The following PLCH1 variants were observed in gnomAD, a reference collection of about 807,000 sequenced individuals.
PLCH1 encodes phospholipase C eta 1, also known as 1-phosphatidylinositol 4,5-bisphosphate phosphodiesterase eta-1.
PLCH1 carries 60 observed loss-of-function variants against 126.7 expected under a neutral mutation model. The ratio of observed to expected loss-of-function variants is 0.47; its 90% CI spans 0.38 to 0.59. The LOEUF is 0.59. PLCH1 is among the 20% of genes least tolerant of loss of function. PLCH1 has a pLI of 0.00. For missense variants in PLCH1, 1,723 were observed against 2,040.0 expected (o/e 0.84, Z 2.99); for synonymous variants, 719 against 734.9 (o/e 0.98, Z 0.35).
chr3:155,601,879 C>T (rs527639138), intron 2 of PLCH1, among the ~76,000 whole-genome samples: 9 of 152,208 alleles, frequency 5.9e-5, no homozygotes, highest in Non-Finnish European at 1.3e-4. Context: ...TGGACAACCA[C>T]TGACCTACTT....
At chr3:155,674,097 A>G (rs1743837855) in intron 2 of PLCH1, among the ~76,000 whole-genome samples, 1 of 152,152 alleles carries the variant, frequency 6.6e-6, no homozygotes, top group South Asian at 2.1e-4. Flanking sequence ...AGACACAACA[A>G]GATGATAAAA....
At chr3:155,637,994 G>A (rs774600095) in intron 2 of PLCH1, among the ~76,000 whole-genome samples, 4 of 152,290 alleles carry the variant, frequency 2.6e-5, no homozygotes, top group South Asian at 2.1e-4. Flanking sequence ...GTTTGCACAC[G>A]ATCTGCACAT....
At chr3:155,592,490 A>ATCACTCTG (rs146089924) in intron 4 of PLCH1, among the ~76,000 whole-genome samples, 1 of 41,484 alleles carries the variant, frequency 2.4e-5, no homozygotes, top group African/African-American at 4.5e-5. Flanking sequence ...GCAAGACTCC[A>ATCACTCTG]TCTCCAAAAA....
At chr3:155,616,957 A>G (rs1157871022) in intron 2 of PLCH1, among the ~76,000 whole-genome samples, 2 of 151,674 alleles carry the variant, frequency 1.3e-5, no homozygotes, top group African/African-American at 4.9e-5. Flanking sequence ...AGAATCCAAA[A>G]GAAACATATT....
intron 2 of PLCH1, among the ~76,000 whole-genome samples, chr3:155,612,544 A>C (rs199808207): frequency 1.5e-5 from 2 of 134,150 alleles, no homozygotes; most frequent in Non-Finnish European, 3.1e-5. Flanking sequence ...CAAAAAAAAA[A>C]GATAAATGAA....
At chr3:155,538,672 A>T (rs1222036056) in intron 10 of PLCH1, among the ~76,000 whole-genome samples, 1 of 152,136 alleles carries the variant, frequency 6.6e-6, no homozygotes, top group Non-Finnish European at 1.5e-5. Context: ...GTTCCTGGAA[A>T]TATACAATCC....
At chr3:155,674,302 G>T (rs183576421) in intron 2 of PLCH1, among the ~76,000 whole-genome samples, 26 of 152,166 alleles carry the variant, frequency 1.7e-4, no homozygotes, top group African/African-American at 6.3e-4. Flanking sequence ...GAGCAAACAT[G>T]GGCTTTATAC....
chr3:155,563,091 T>C (rs1431389797), intron 8 of PLCH1, among the ~76,000 whole-genome samples: 2 of 152,246 alleles, frequency 1.3e-5, no homozygotes, highest in Non-Finnish European at 2.9e-5. Flanking sequence ...TAGATCCAAG[T>C]ACTCCTGTTC....
chr3:155,743,929 T>C (rs1034604392), intron 1 of PLCH1, among the ~76,000 whole-genome samples: 2 of 152,188 alleles, frequency 1.3e-5, no homozygotes, highest in African/African-American at 4.8e-5. Flanking sequence ...GGGATTTCAA[T>C]TGCTGCCCTA....
chr3:155,589,584 T>C (rs1181396913), intron 4 of PLCH1, among the ~76,000 whole-genome samples: 1 of 152,106 alleles, frequency 6.6e-6, no homozygotes, highest in South Asian at 2.1e-4. Flanking sequence ...ACAGGTGGCC[T>C]AAAGCCTTCT....
intron 2 of PLCH1, among the ~76,000 whole-genome samples, chr3:155,649,004 A>G (rs1272389748): frequency 1.3e-5 from 2 of 152,196 alleles, no homozygotes; most frequent in African/African-American, 4.8e-5. Context: ...CCTGAGAGCA[A>G]CAAAAATCCA....
At chr3:155,595,661 C>T (rs1732889191) in intron 3 of PLCH1, among the ~76,000 whole-genome samples, 1 of 152,182 alleles carries the variant, frequency 6.6e-6, no homozygotes, top group Non-Finnish European at 1.5e-5. Flanking sequence ...GACTTCTTGG[C>T]CTTCATAATC....
chr3:155,617,387 G>A (rs141387495), intron 2 of PLCH1, among the ~76,000 whole-genome samples: 59 of 152,280 alleles, frequency 3.9e-4, no homozygotes, highest in African/African-American at 1.3e-3. Flanking sequence ...CAGAAAAGGA[G>A]TTAATTGCAT....
intron 2 of PLCH1, among the ~76,000 whole-genome samples, chr3:155,602,999 A>AG (rs2108685559): frequency 7.0e-6 from 1 of 142,976 alleles, no homozygotes; most frequent in South Asian, 2.2e-4. Flanking sequence ...TTGCTACAAA[A>AG]GAACCTTGAG....
At chr3:155,667,833 G>A (rs889552124) in intron 2 of PLCH1, among the ~76,000 whole-genome samples, 2 of 151,066 alleles carry the variant, frequency 1.3e-5, no homozygotes, top group Non-Finnish European at 2.9e-5. Flanking sequence ...GGGAGGCTGA[G>A]GGGGGTGGAT....
intron 2 of PLCH1, among the ~76,000 whole-genome samples, chr3:155,629,309 T>G (rs964640093): frequency 3.3e-5 from 5 of 152,190 alleles, no homozygotes; most frequent in African/African-American, 1.2e-4. Context: ...AATTTGCGTT[T>G]CTACACCATC....
intron 12 of PLCH1, among the ~76,000 whole-genome samples, chr3:155,513,742 T>C (rs1380153868): frequency 3.3e-5 from 5 of 152,196 alleles, no homozygotes; most frequent in Middle Eastern, 3.2e-3. Context: ...TCTGCCCCTC[T>C]AACATGCAGT....
At chr3:155,586,850 C>T (rs1443715059) in intron 4 of PLCH1, among the ~76,000 whole-genome samples, 1 of 152,130 alleles carries the variant, frequency 6.6e-6, no homozygotes, top group East Asian at 1.9e-4. Flanking sequence ...ATATCACTAT[C>T]CTAAATGGAA....
chr3:155,529,306 G>A (rs1221522664), intron 10 of PLCH1, among the ~76,000 whole-genome samples: 4 of 152,124 alleles, frequency 2.6e-5, no homozygotes, highest in East Asian at 3.8e-4. Flanking sequence ...ACAACTCCGC[G>A]ATTCACATCT....
Sources: gnomAD v4.1 joint callset for allele counts (sites outside exome capture counted in the v4.1 genomes callset) on GRCh38, gnomAD v4.1.1 for gene constraint, MANE v1.5 for transcripts, NCBI Gene and HGNC (gene_info 2026-07-23, HGNC 2026-07-21) for gene names.